Variants in TBL1XR1 observed in about 807,000 individuals in gnomAD.
TBL1XR1 encodes TBL1X/Y related 1.
A neutral mutation model predicts 66.9 loss-of-function variants in TBL1XR1; 5 were observed. The observed-to-expected ratio is 0.07, with a 90% CI of 0.04 to 0.16. The LOEUF is 0.16. Among genes scored for constraint, TBL1XR1 ranks in the 10% least tolerant of loss-of-function variants. The probability of loss-of-function intolerance (pLI) is 1.00; values close to 1 mark genes in which losing one functional copy is unlikely to be tolerated. For missense variants in TBL1XR1, 238 were observed against 623.2 expected (o/e 0.38, Z 6.58); for synonymous variants, 210 against 206.0 (o/e 1.02, Z -0.17).
intron 1 of TBL1XR1, among the ~76,000 whole-genome samples, chr3:177,132,837 G>C (rs764125895): frequency 6.6e-6 from 1 of 152,188 alleles, no homozygotes; most frequent in Non-Finnish European, 1.5e-5. Context: ...AGATCACAGA[G>C]AGCCTTATGA....
rs1714438454 is a variant in TBL1XR1, at chr3:177,034,227, A to G, written c.1221T>C (p.Asn407=). The part of the protein sequence containing the change: ...IKWSPTGPGT[N]NPNANLMLAS... ...CTAACATAAGGTTGGCATTTGGATTATTAGTCCCTGGTCCTGTTGGACTCC... is the reference window on the plus strand; with the variant it reads ...CTAACATAAGGTTGGCATTTGGATTGTTAGTCCCTGGTCCTGTTGGACTCC... The change falls in exon 13 of 16, where the codon AAT becomes AAC. Residue 407 remains asparagine, a synonymous_variant. Transcript: ENST00000457928. 1.2e-6 allele frequency: 2 copies of G among 1,601,360 alleles called. No homozygotes were observed. The highest frequency in any genetic ancestry group is 1.7e-6 in the Non-Finnish European group (2 of 1,177,010).
chr3:177,059,055 A>C (rs532828160), intron 3 of TBL1XR1, among the ~76,000 whole-genome samples: 2 of 152,374 alleles, frequency 1.3e-5, no homozygotes, highest in South Asian at 4.1e-4. Flanking sequence ...AAACAAAACT[A>C]TATACCTACT....
intron 1 of TBL1XR1, among the ~76,000 whole-genome samples, chr3:177,177,872 G>A (rs761273986): frequency 1.3e-5 from 2 of 151,476 alleles, no homozygotes; most frequent in Non-Finnish European, 2.9e-5. Flanking sequence ...CTGGAGGGAC[G>A]TTTAAAAAAA....
intron 2 of TBL1XR1, among the ~76,000 whole-genome samples, chr3:177,082,353 A>T (rs1182963470): frequency 6.6e-6 from 1 of 152,098 alleles, no homozygotes; most frequent in Non-Finnish European, 1.5e-5. Flanking sequence ...ATGAATTTAA[A>T]ATTGAGGTAC....
rs542273251 is a variant in TBL1XR1, at chr3:177,114,990, A to AAAT, written c.-121-16452_-121-16450dup. Among the ~76,000 whole-genome samples the AAAT allele has an allele frequency of 7.1e-4, 107 of 150,460 alleles. 1 individual carries two copies. Among genetic ancestry groups the AAAT allele is most frequent in the African/African-American group, 2.0e-3 (82 of 41,092 alleles). ...TAAGACCTTGTCACTTTGGGGAAAA[A>AAAT]AATAATAATAATAATAATAATGATT... On this transcript the variant is annotated intron_variant, in intron 1 of 15. Coordinates refer to ENST00000457928, the MANE Select transcript of TBL1XR1 (RefSeq NM_024665.7).
At chr3:177,115,129 C>A (rs1208813072) in intron 1 of TBL1XR1, among the ~76,000 whole-genome samples, 1 of 151,984 alleles carries the variant, frequency 6.6e-6, no homozygotes, top group Non-Finnish European at 1.5e-5. Flanking sequence ...TGGGCCCCCA[C>A]CAGAGTACAG....
chr3:177,078,024 TG>T (rs1276051758), intron 2 of TBL1XR1, among the ~76,000 whole-genome samples: 1 of 152,176 alleles, frequency 6.6e-6, no homozygotes, highest in Non-Finnish European at 1.5e-5. Context: ...ACCTCACAGG[TG>T]GGAATGCATG....
Position 177,102,009 on chromosome 3 carries a change from A to G in TBL1XR1, c.-121-3468T>C, listed in dbSNP as rs999185839. On this transcript the variant is annotated intron_variant, in intron 1 of 15. Transcript: ENST00000457928. ...CATAAATAAATGAACATAGAAACTAATAAGATATGGTACACATATAACACA... is the reference window on the plus strand; with the variant it reads ...CATAAATAAATGAACATAGAAACTAGTAAGATATGGTACACATATAACACA... 3.3e-5 allele frequency among the ~76,000 whole-genome samples: 5 copies of G among 152,202 alleles called. No homozygotes were observed. In the East Asian group the frequency reaches 9.6e-4, roughly 29 times the overall value.
chr3:177,171,764 T>C (rs1430397997), intron 1 of TBL1XR1, among the ~76,000 whole-genome samples: 1 of 150,746 alleles, frequency 6.6e-6, no homozygotes, highest in African/African-American at 2.4e-5. Flanking sequence ...TCCAGGGCTT[T>C]TTGGAGAAAT....
At chr3:177,117,861 G>A (rs1460363403) in intron 1 of TBL1XR1, among the ~76,000 whole-genome samples, 4 of 152,062 alleles carry the variant, frequency 2.6e-5, no homozygotes, top group Admixed American at 2.6e-4. Context: ...TGGGTTCAAT[G>A]GGAAGGAAAA....
At chr3:177,186,824 A>T (rs1266236191) in intron 1 of TBL1XR1, among the ~76,000 whole-genome samples, 5 of 152,158 alleles carry the variant, frequency 3.3e-5, no homozygotes, top group Middle Eastern at 3.2e-3. Flanking sequence ...GGTGTCTCAC[A>T]CCTGTAATCC....
At chr3:177,101,875 A>G (rs1724263125) in intron 1 of TBL1XR1, among the ~76,000 whole-genome samples, 1 of 152,202 alleles carries the variant, frequency 6.6e-6, no homozygotes, top group South Asian at 2.1e-4. Context: ...TCCAAATAGC[A>G]TTATGTACAA....
chr3:177,143,092 G>T (rs1200291223), intron 1 of TBL1XR1, among the ~76,000 whole-genome samples: 3 of 151,258 alleles, frequency 2.0e-5, no homozygotes. Context: ...GTACAAAAAG[G>T]CTGCAGAGAA....
At chr3:177,130,843 G>T (rs764020675) in intron 1 of TBL1XR1, among the ~76,000 whole-genome samples, 19 of 152,106 alleles carry the variant, frequency 1.2e-4, no homozygotes, top group Non-Finnish European at 2.6e-4. Flanking sequence ...CCATATTTGG[G>T]GTTTAGAGGT....
chr3:177,076,985 T>C (rs1720777204), intron 2 of TBL1XR1, among the ~76,000 whole-genome samples: 1 of 152,250 alleles, frequency 6.6e-6, no homozygotes, highest in Non-Finnish European at 1.5e-5. Context: ...GCCAGCTCTC[T>C]TGCTCAACGA....
At chr3:177,032,452 C>T (rs1338840193) in intron 14 of TBL1XR1, 1 of 152,174 alleles carries the variant, frequency 6.6e-6, no homozygotes, top group East Asian at 1.9e-4. Flanking sequence ...AAGTATAGTA[C>T]ATAGAGCAAA....
chr3:177,097,686 T>TA (rs1005213339), intron 2 of TBL1XR1, among the ~76,000 whole-genome samples: 6 of 152,224 alleles, frequency 3.9e-5, no homozygotes, highest in Non-Finnish European at 4.4e-5. Context: ...CCTAGCCATT[T>TA]AAATGCACAT....
At chr3:177,140,550 T>C (rs1313818493) in intron 1 of TBL1XR1, among the ~76,000 whole-genome samples, 2 of 152,128 alleles carry the variant, frequency 1.3e-5, no homozygotes, top group Non-Finnish European at 2.9e-5. Flanking sequence ...ATTTTACTTA[T>C]ATGAAAAAAC....
At chr3:177,163,684 A>G (rs1202849232) in intron 1 of TBL1XR1, among the ~76,000 whole-genome samples, 1 of 152,186 alleles carries the variant, frequency 6.6e-6, no homozygotes, top group East Asian at 1.9e-4. Context: ...AATATCTGGA[A>G]GGATACAAAG....
Sources: allele counts gnomAD v4.1 joint callset (sites outside exome capture counted in the v4.1 genomes callset), GRCh38; gene constraint gnomAD v4.1.1; transcripts MANE v1.5; gene names NCBI Gene and HGNC (gene_info 2026-07-23, HGNC 2026-07-21).